Variants in CRAMP1 observed in about 807,000 individuals in gnomAD.
CRAMP1 encodes the protein protein cramped-like.
CRAMP1 carries 50 observed loss-of-function variants against 115.4 expected under a neutral mutation model. The ratio of observed to expected loss-of-function variants is 0.43; its 90% CI spans 0.35 to 0.55. The LOEUF is 0.55. CRAMP1 is among the 20% of genes least tolerant of loss of function. The probability of loss-of-function intolerance (pLI) is 0.01; values close to 1 mark genes in which losing one functional copy is unlikely to be tolerated. For missense variants in CRAMP1, 1,679 were observed against 1,721.7 expected, an observed-to-expected ratio of 0.98 and a Z score of 0.44; for synonymous variants, 866 against 745.4, an observed-to-expected ratio of 1.16 and a Z score of -2.64.
intron 3 of CRAMP1, among the ~76,000 whole-genome samples, chr16:1,631,733 C>T (rs1333499789): frequency 2.0e-5 from 3 of 152,182 alleles, no homozygotes; most frequent in Non-Finnish European, 2.9e-5. Flanking sequence ...ATAGTCTGTG[C>T]GGTTCACTTA....
chr16:1,639,860 T>C (rs191942876), intron 5 of CRAMP1, among the ~76,000 whole-genome samples: 12 of 152,346 alleles, frequency 7.9e-5, no homozygotes, highest in Admixed American at 7.2e-4. Context: ...GAAGTCAGCG[T>C]GAATTGGCCT....
chr16:1,636,920 C>T (rs574957521), intron 4 of CRAMP1, among the ~76,000 whole-genome samples: 2 of 152,196 alleles, frequency 1.3e-5, no homozygotes, highest in Non-Finnish European at 2.9e-5. Context: ...TTTAAGGAGG[C>T]TTCTGGAAGT....
intron 1 of CRAMP1, among the ~76,000 whole-genome samples, chr16:1,613,978 T>A (rs770415044): frequency 6.6e-6 from 1 of 151,812 alleles, no homozygotes; most frequent in Non-Finnish European, 1.5e-5. Flanking sequence ...CACCATGGAG[T>A]TCCCCGTGCG....
chr16:1,635,440 A>T (rs1374360589), intron 4 of CRAMP1, among the ~76,000 whole-genome samples: 2 of 152,148 alleles, frequency 1.3e-5, no homozygotes, highest in African/African-American at 2.4e-5. Context: ...TCAAAGTTGG[A>T]TGAGGTGAGC....
chr16:1,618,276 T>TAA (rs1451721580), intron 2 of CRAMP1, among the ~76,000 whole-genome samples: 1 of 152,162 alleles, frequency 6.6e-6, no homozygotes, highest in African/African-American at 2.4e-5. Context: ...GGGTGAGACT[T>TAA]AGTCTCTAAA....
In CRAMP1 at chr16:1,676,938, G is replaced by A. The variant is rs1257306122; in HGVS notation, c.*2893G>A. ...GCACCTCCAGGTTCTGGGCATGAGA[G>A]GCCGTGGCCTCATTTCTGGTGGATA... On this transcript the variant is annotated 3_prime_UTR_variant, in exon 21 of 21. Transcript: ENST00000397412. 6.6e-6 allele frequency: 1 copy of A among 152,346 alleles called. No homozygotes were observed. The highest frequency in any genetic ancestry group is 1.5e-5 in the Non-Finnish European group (1 of 68,056). The allele number at this position is 152,346 out of a possible 1,614,324, so 9.4% of individuals were successfully genotyped here.
intron 20 of CRAMP1, among the ~76,000 whole-genome samples, chr16:1,673,207 G>A (rs13330294): frequency 0.15 from 21,755 of 145,764 alleles, 1,937 homozygotes; most frequent in African/African-American, 0.29. Context: ...TGATGGGAAC[G>A]TGTCCCCCAC....
At chr16:1,667,895 T>G in intron 17 of CRAMP1, 67 bp from the exon 18 acceptor site, 1 of 997,268 alleles carries the variant, frequency 1.0e-6, no homozygotes, top group Non-Finnish European at 1.5e-6. Context: ...AGTAAGCTGG[T>G]GTTTCTTCCC....
chr16:1,647,269 C>T (rs564898267), intron 6 of CRAMP1, among the ~76,000 whole-genome samples: 8 of 152,168 alleles, frequency 5.3e-5, no homozygotes, highest in African/African-American at 1.7e-4. Flanking sequence ...AAGCTTACTA[C>T]GTGGTTCGCA....
chr16:1,629,667 C>CG (rs2036533411), intron 3 of CRAMP1, among the ~76,000 whole-genome samples: 1 of 152,184 alleles, frequency 6.6e-6, no homozygotes, highest in East Asian at 1.9e-4. Flanking sequence ...GTTGCTTCAT[C>CG]GTGGTTCTTG....
Position 1,653,134 on chromosome 16 carries a change from C to G in CRAMP1, c.1015C>G (p.Leu339Val), listed in dbSNP as rs545225765. The change falls in exon 8 of 21, where the codon CTT becomes GTT. Residue 339 changes from leucine (L) to valine (V), a missense_variant. Coordinates refer to ENST00000397412, the MANE Select transcript of CRAMP1 (RefSeq NM_020825.4). ...NNHAWARVQS[L>V]AQNPRLRMIV... ...CCACGCCTGGGCCCGTGTGCAGAGCCTTGCCCAGAACCCACGCCTCAGGTA... is the reference window on the plus strand; with the variant it reads ...CCACGCCTGGGCCCGTGTGCAGAGCGTTGCCCAGAACCCACGCCTCAGGTA... 1.9e-6 allele frequency: 3 copies of G among 1,610,458 alleles called. No individual in the cohort carries two copies. Among genetic ancestry groups the G allele is most frequent in the African/African-American group, 1.3e-5 (1 of 74,994 alleles).
At chr16:1,668,929 T>C in intron 18 of CRAMP1, 72 bp from the exon 19 acceptor site, 1 of 1,444,414 alleles carries the variant, frequency 6.9e-7, no homozygotes, top group Non-Finnish European at 9.6e-7. Context: ...TTCTCCGTGG[T>C]GGGCTGGAGA....
At chr16:1,663,333 T>C (rs922520315) in intron 13 of CRAMP1, among the ~76,000 whole-genome samples, 12 of 152,220 alleles carry the variant, frequency 7.9e-5, no homozygotes, top group African/African-American at 2.7e-4. Context: ...GAGGTAATTA[T>C]GGCCTCAGAA....
intron 4 of CRAMP1, among the ~76,000 whole-genome samples, chr16:1,634,981 C>T (rs564336471): frequency 2.6e-5 from 4 of 152,198 alleles, no homozygotes; most frequent in Non-Finnish European, 5.9e-5. Flanking sequence ...TCACTGTAAC[C>T]TCCATCTCCC....
rs369042741 is a variant in CRAMP1, at chr16:1,668,002, C to G, written c.3143C>G (p.Pro1048Arg). The G allele has an allele frequency of 1.2e-6, 2 of 1,613,548 alleles. No homozygotes were observed. The highest frequency in any genetic ancestry group is 1.7e-6 in the Non-Finnish European group (2 of 1,179,712). ...TCCTTATCTGAGCTGCCCAAGGCCC[C>G]TCTCCAGAATGGCCTCTCCATACCG... ...VLSLSELPKA[P>R]LQNGLSIPLS... Residue 1048 changes from proline (P) to arginine (R), a missense_variant, in exon 18 of 21, where the codon CCT becomes CGT. This residue lies in a region of CRAMP1 where 709 missense variants were observed against 741.9 expected (regional missense o/e 0.96). Coordinates refer to ENST00000397412, the MANE Select transcript of CRAMP1 (RefSeq NM_020825.4).
rs534281250 is a variant in CRAMP1, at chr16:1,667,232, C to T, written c.3037-103C>T. On this transcript the variant is annotated intron_variant, in intron 16 of 20. Transcript: ENST00000397412. Reference sequence around the variant, plus strand: ...TACTGTCCCTCTGCTGTTAGGAGGCCAGGGGGATGGAACGCCTCTTTTTCT... The same window carrying T: ...TACTGTCCCTCTGCTGTTAGGAGGCTAGGGGGATGGAACGCCTCTTTTTCT... 5.8e-6 allele frequency: 5 copies of T among 863,556 alleles called. No individual in the cohort carries two copies. The South Asian group carries it at 7.0e-5, about 12-fold the overall frequency. The allele number at this position is 863,556 out of a possible 1,614,324, so 53.5% of individuals were successfully genotyped here.
At chr16:1,627,639 C>G (rs1054901354) in intron 3 of CRAMP1, among the ~76,000 whole-genome samples, 7 of 152,170 alleles carry the variant, frequency 4.6e-5, no homozygotes, top group Non-Finnish European at 1.0e-4. Context: ...CCAGGTGGAC[C>G]GGACTGCCGT....
At chr16:1,648,534 G>A (rs1207174010) in intron 6 of CRAMP1, among the ~76,000 whole-genome samples, 2 of 151,834 alleles carry the variant, frequency 1.3e-5, no homozygotes, top group Non-Finnish European at 2.9e-5. Flanking sequence ...GAGCCCAGGA[G>A]GTGGAGCTTG....
At chr16:1,620,796 C>T (rs1031221046) in intron 2 of CRAMP1, 5 of 425,712 alleles carry the variant, frequency 1.2e-5, no homozygotes, top group South Asian at 3.2e-5. Flanking sequence ...GGACAGTGTG[C>T]GCTGCTTGGC....
Sources: gnomAD v4.1 joint callset for allele counts (sites outside exome capture counted in the v4.1 genomes callset) on GRCh38, gnomAD v4.1.1 for gene constraint, gnomAD v4.1.1 regional missense constraint, MANE v1.5 for transcripts, NCBI Gene and HGNC (gene_info 2026-07-23, HGNC 2026-07-21) for gene names.